Variants in ABCC8 observed in about 807,000 individuals in gnomAD.
The protein encoded by ABCC8 is ATP-binding cassette sub-family C member 8.
Under a neutral mutation model 188.0 loss-of-function variants are expected in ABCC8, and 137 were observed. The ratio of observed to expected loss-of-function variants is 0.73; its 90% confidence interval spans 0.63 to 0.84. ABCC8 has a LOEUF of 0.84. Among genes scored for constraint, ABCC8 ranks in the 40% least tolerant of loss-of-function variants. The pLI, the probability that ABCC8 is intolerant of heterozygous loss-of-function variation, is 0.00. For missense variants in ABCC8, 1,750 were observed against 2,072.7 expected, an observed-to-expected ratio of 0.84 and a Z score of 3.02; for synonymous variants, 797 against 846.5, an observed-to-expected ratio of 0.94 and a Z score of 1.01.
chr11:17,442,821 T>C lies in ABCC8; in HGVS notation c.1529A>G (p.Lys510Arg). The C allele has an allele frequency of 6.2e-7, 1 of 1,614,020 alleles. No homozygotes were observed. The highest frequency in any genetic ancestry group is 8.5e-7 in the Non-Finnish European group (1 of 1,180,006). Reference protein sequence around the residue: ...NEMLRGIKLLKLYAWENIFRT... With the variant: ...NEMLRGIKLLRLYAWENIFRT... The stretch of plus-strand genomic sequence containing the variant: ...GAAGATGTTCTCCCAGGCGTACAGC[T>C]TCAGCAGCTTGATGCCGCGGAGCAT... The change falls in exon 10 of 39, where the codon AAG becomes AGG. Residue 510 changes from lysine (K) to arginine (R), a missense_variant. Transcript: ENST00000389817.
intron 16 of ABCC8, among the ~76,000 whole-genome samples, chr11:17,422,978 C>T (rs1955411754): frequency 6.6e-6 from 1 of 152,008 alleles, no homozygotes; most frequent in Admixed American, 6.6e-5. Context: ...AATACCACAT[C>T]CGCAGTGAGC....
Position 17,439,353 on chromosome 11 carries a change from G to A in ABCC8, c.1630+3367C>T, listed in dbSNP as rs111546196. On this transcript the variant is annotated intron_variant, in intron 10 of 38. Transcript: ENST00000389817. ...AATCTTGCCTGCCCAGAAGTCTGAT[G>A]GTGCCGCATATGAGCAGGATGGGCC... Among the ~76,000 whole-genome samples the A allele has an allele frequency of 6.2e-3, 938 of 152,150 alleles. 7 individuals carry two copies. Among genetic ancestry groups the A allele is most frequent in the African/African-American group, 0.021 (890 of 41,494 alleles).
At chr11:17,436,092 C>A in intron 10 of ABCC8, 1 of 860,548 alleles carries the variant, frequency 1.2e-6, no homozygotes. Context: ...CTGTGATTCC[C>A]AAAGGAACAG....
In ABCC8 at chr11:17,397,762, C is replaced by T. The variant is rs771367625; in HGVS notation, c.3789G>A (p.Ala1263=). ...YIGACVVLIA[A]VTSISNSLHR... ...GCAGGGAGTTGGAGATGGAGGTCAC[C>T]GCTGCGATGAGCACCACACATGCAC... Residue 1263 remains alanine (A), a synonymous_variant, in exon 31 of 39, where the codon GCG becomes GCA. Transcript: ENST00000389817. The T allele has an allele frequency of 2.9e-5, 47 of 1,613,842 alleles. No homozygotes were observed. The highest frequency in any genetic ancestry group is 1.0e-4 in the Admixed American group (6 of 60,030).
chr11:17,437,273 C>T (rs865993962), intron 10 of ABCC8, among the ~76,000 whole-genome samples: 5 of 152,156 alleles, frequency 3.3e-5, no homozygotes, highest in South Asian at 2.1e-4. Flanking sequence ...ATCAACAAAC[C>T]TGAGCTGGGA....
At chr11:17,398,598 C>T (rs1591719328) in intron 29 of ABCC8, 157 bp from the exon 30 acceptor site, 13 of 1,420,184 alleles carry the variant, frequency 9.2e-6, no homozygotes, top group East Asian at 2.5e-5. Flanking sequence ...GAATGTCCAC[C>T]CCACTCCTTT....
At chr11:17,454,473 C>T (rs958401201) in intron 6 of ABCC8, among the ~76,000 whole-genome samples, 1 of 152,122 alleles carries the variant, frequency 6.6e-6, no homozygotes, top group African/African-American at 2.4e-5. Flanking sequence ...AAGAGGAAGG[C>T]CCTACCGAGG....
At chr11:17,432,765 G>A (rs1955906829) in intron 10 of ABCC8, among the ~76,000 whole-genome samples, 1 of 152,184 alleles carries the variant, frequency 6.6e-6, no homozygotes, top group Non-Finnish European at 1.5e-5. Context: ...CTTAGAGTCT[G>A]TGTGCGGGTG....
At chr11:17,395,536 C>A in intron 35 of ABCC8, 74 bp downstream of exon 35, 2 of 1,526,184 alleles carry the variant, frequency 1.3e-6, no homozygotes, top group Non-Finnish European at 1.8e-6. Flanking sequence ...CCAACCCCCT[C>A]CTCTTTGTGC....
At chr11:17,408,844 A>G (rs1354585397) in intron 22 of ABCC8, among the ~76,000 whole-genome samples, 3 of 152,064 alleles carry the variant, frequency 2.0e-5, no homozygotes, top group Non-Finnish European at 4.4e-5. Flanking sequence ...CTCATTGTAC[A>G]CTACCCTTAG....
rs555861308 is a variant in ABCC8 at position 17,425,101 on chromosome 11, A to G, written c.2222+1948T>C. Among the ~76,000 whole-genome samples, 5 of 152,354 alleles carry G rather than the reference A, an allele frequency of 3.3e-5. No individual in the cohort carries two copies. In the South Asian group the frequency reaches 1.0e-3, roughly 32 times the overall value. ...TCCTCCCTCCAAAGGCTGGAGAGGC[A>G]GTCGGAATAAGGCAATATGATCTCA... On this transcript the variant is annotated intron_variant, in intron 16 of 38. Coordinates refer to ENST00000389817, the MANE Select transcript of ABCC8 (RefSeq NM_000352.6).
At chr11:17,431,116 CA>C in intron 11 of ABCC8, 157 bp from the exon 12 acceptor site, 8 of 1,239,182 alleles carry the variant, frequency 6.5e-6, no homozygotes, top group Non-Finnish European at 8.9e-6. Context: ...TCCCCACAGT[CA>C]TCTCATGGAA....
intron 16 of ABCC8, among the ~76,000 whole-genome samples, chr11:17,418,886 A>T (rs1411504636): frequency 6.6e-6 from 1 of 152,214 alleles, no homozygotes; most frequent in Non-Finnish European, 1.5e-5. Context: ...TATATTAATC[A>T]TTTGGAAAGA....
At chr11:17,393,380 C>T (rs948148831) in intron 38 of ABCC8, among the ~76,000 whole-genome samples, 2 of 152,202 alleles carry the variant, frequency 1.3e-5, no homozygotes, top group Non-Finnish European at 2.9e-5. Context: ...CAGAGACCCT[C>T]CACAACCCCT....
At chr11:17,406,824 GC>G (rs1350287659) in intron 25 of ABCC8, 36 bp from the exon 26 acceptor site, 1 of 1,614,082 alleles carries the variant, frequency 6.2e-7, no homozygotes, top group African/African-American at 1.3e-5. Context: ...GTTCCAGGGT[GC>G]CCATGGGCTC....
intron 7 of ABCC8, among the ~76,000 whole-genome samples, chr11:17,450,645 C>A (rs1956777833): frequency 6.7e-6 from 1 of 148,976 alleles, no homozygotes; most frequent in South Asian, 2.1e-4. Context: ...GATCCACCCG[C>A]CTTGGCCTCC....
chr11:17,393,269 A>C, intron 38 of ABCC8, 141 bp from the exon 39 acceptor site: 2 of 1,195,670 alleles, frequency 1.7e-6, no homozygotes, highest in Non-Finnish European at 2.4e-6. Flanking sequence ...TGGGGACTGC[A>C]CTTTCCTGGG....
At chr11:17,437,160 T>G (rs1443954050) in intron 10 of ABCC8, among the ~76,000 whole-genome samples, 7 of 149,694 alleles carry the variant, frequency 4.7e-5, no homozygotes, top group Non-Finnish European at 1.0e-4. Flanking sequence ...CCAGGCCTTG[T>G]GCTGGTGTGC....
Position 17,460,505 on chromosome 11 carries a change from C to A in ABCC8, c.994G>T (p.Asp332Tyr). 1 of 1,614,170 alleles carries A rather than the reference C, an allele frequency of 6.2e-7. No individual in the cohort carries two copies. The highest frequency in any genetic ancestry group is 8.5e-7 in the Non-Finnish European group (1 of 1,180,050). ...GIVDHLGKEN[D>Y]VFQPKTQFLG... The stretch of plus-strand genomic sequence containing the variant: ...CTGCCTACCTTGGGCTGGAAGACGT[C>A]GTTCTCCTTCCCAAGGTGGTCCACG... Residue 332 changes from aspartate (D) to tyrosine (Y), a missense_variant, in exon 6 of 39, where the codon GAC (aspartate) becomes TAC (tyrosine). Coordinates refer to ENST00000389817, the MANE Select transcript of ABCC8 (RefSeq NM_000352.6).
Sources: gnomAD v4.1 joint callset for allele counts (sites outside exome capture counted in the v4.1 genomes callset) on GRCh38, gnomAD v4.1.1 for gene constraint, MANE v1.5 for transcripts, NCBI Gene and HGNC (gene_info 2026-07-23, HGNC 2026-07-21) for gene names.